NTN1: variants seen among roughly 807,000 people sequenced by gnomAD.
NTN1 encodes netrin 1, also known as netrin-1.
A neutral mutation model predicts 54.2 loss-of-function variants in NTN1; 11 were observed. That is an observed-to-expected ratio of 0.20 (90% CI 0.13 to 0.34). NTN1 has a LOEUF of 0.34. NTN1 is among the 10% of genes least tolerant of loss of function. NTN1 has a pLI of 1.00. For synonymous variants in NTN1, 371 were observed against 382.0 expected (o/e 0.97, Z 0.33); for missense variants, 740 against 893.1 (o/e 0.83, Z 2.18).
intron 2 of NTN1, among the ~76,000 whole-genome samples, chr17:9,127,796 G>A (rs1003062334): frequency 3.9e-5 from 6 of 152,120 alleles, no homozygotes; most frequent in African/African-American, 1.4e-4. Context: ...TAGGATGCAG[G>A]AAGAGAGAAC....
chr17:9,228,486 G>A lies in NTN1; in HGVS notation c.1486+7244G>A, dbSNP rs866257709. ...ACGCGGGGGCTCCCATCCACGCCCC[G>A]ATCCCCTGCCTCAGGTGGCCTGGGT... is the stretch of plus-strand genomic sequence containing the variant. On this transcript the variant is annotated intron_variant, in intron 6 of 6. Coordinates refer to ENST00000173229, the MANE Select transcript of NTN1 (RefSeq NM_004822.3). 3.9e-5 allele frequency among the ~76,000 whole-genome samples: 6 copies of A among 152,270 alleles called. No individual in the cohort carries two copies. The Middle Eastern group carries it at 0.01, about 259-fold the overall frequency.
chr17:9,118,094 C>G (rs997503784), intron 2 of NTN1, among the ~76,000 whole-genome samples: 13 of 152,240 alleles, frequency 8.5e-5, no homozygotes, highest in African/African-American at 3.1e-4. Flanking sequence ...TCCCTCTGTG[C>G]CTCAGTTTCG....
At chr17:9,142,926 A>G (rs565770304) in intron 2 of NTN1, among the ~76,000 whole-genome samples, 1 of 152,374 alleles carries the variant, frequency 6.6e-6, no homozygotes, top group East Asian at 1.9e-4. Context: ...AATAAAATCA[A>G]TATTTAAAGT....
rs115102745 is a variant in NTN1 at position 9,202,879 on chromosome 17, G to A, written c.1412-18289G>A. ...TCAAAATGATATTGCGATATTCTGC[G>A]TCTGTGTTTCATGGTTTCATAATTT... On this transcript the variant is annotated intron_variant, in intron 5 of 6. Coordinates refer to ENST00000173229, the MANE Select transcript of NTN1 (RefSeq NM_004822.3). 2.1e-3 allele frequency among the ~76,000 whole-genome samples: 323 copies of A among 151,996 alleles called. 2 individuals are homozygous for A. Among genetic ancestry groups the A allele is most frequent in the African/African-American group, 7.0e-3 (290 of 41,490 alleles).
intron 2 of NTN1, among the ~76,000 whole-genome samples, chr17:9,068,099 T>G (rs2092021299): frequency 6.6e-6 from 1 of 152,190 alleles, no homozygotes; most frequent in Admixed American, 6.5e-5. Context: ...CAATAAATGT[T>G]CATTGGATGA....
the NTN1 span, among the ~76,000 whole-genome samples, chr17:9,015,482 C>T: frequency 6.6e-6 from 1 of 152,176 alleles, no homozygotes; most frequent in African/African-American, 2.4e-5. Flanking sequence ...GACAAAGGCA[C>T]CCCCGGCCAC....
At chr17:9,230,127 C>T (rs749674031) in intron 6 of NTN1, among the ~76,000 whole-genome samples, 5 of 152,192 alleles carry the variant, frequency 3.3e-5, no homozygotes, top group East Asian at 1.9e-4. Flanking sequence ...TATTCCTGAT[C>T]GGGCTCAATC....
rs113373385 is a variant in NTN1 at position 9,044,647 on chromosome 17, T to G, written c.1018+21256T>G. ...AGGAATTGAAGAGGAATCCTGTTTG[T>G]AGGGCACAATGTTTATATTTATTGA... On this transcript the variant is annotated intron_variant, in intron 2 of 6. Coordinates refer to ENST00000173229, the MANE Select transcript of NTN1 (RefSeq NM_004822.3). Among the ~76,000 whole-genome samples the G allele has an allele frequency of 8.9e-3, 1,349 of 152,316 alleles. 20 individuals carry two copies. Among genetic ancestry groups the G allele is most frequent in the African/African-American group, 0.03 (1,247 of 41,566 alleles).
rs773006374 is a variant in NTN1 at position 9,022,865 on chromosome 17, C to G, written c.492C>G (p.Ser164=). 2.0e-5 allele frequency: 33 copies of G among 1,611,990 alleles called. No individual in the cohort carries two copies. The highest frequency in any genetic ancestry group is 2.8e-5 in the Non-Finnish European group (33 of 1,179,854). The part of the protein sequence containing the change: ...PRPESMAIYK[S]MDYGRTWVPF... ...CCGAGTCCATGGCCATCTACAAGTC[C>G]ATGGACTACGGGCGCACGTGGGTGC... Residue 164 remains serine (S), a synonymous_variant, in exon 2 of 7, where the codon TCC becomes TCG. Transcript: ENST00000173229.
At chr17:9,119,486 CTTATTTATTTATTTAT>C (rs71361861) in intron 2 of NTN1, among the ~76,000 whole-genome samples, 10 of 149,832 alleles carry the variant, frequency 6.7e-5, no homozygotes, top group Admixed American at 1.3e-4. Context: ...CCGTGCCTGG[CTTATTTATTTATTTAT>C]TTATTTATTT....
chr17:9,183,097 G>A (rs1379058155), intron 5 of NTN1, 128 bp downstream of exon 5: 7 of 936,506 alleles, frequency 7.5e-6, no homozygotes, highest in Non-Finnish European at 1.2e-5. Context: ...TGCTCCGTAT[G>A]AGTGGCATCC....
intron 5 of NTN1, among the ~76,000 whole-genome samples, chr17:9,206,736 C>A (rs965136715): frequency 2.0e-5 from 3 of 152,170 alleles, no homozygotes; most frequent in African/African-American, 7.2e-5. Flanking sequence ...TTTAAATCTG[C>A]AAATATATTT....
Position 9,135,963 on chromosome 17 carries a change from C to T in NTN1, c.1019-26850C>T, listed in dbSNP as rs187135723. On this transcript the variant is annotated intron_variant, in intron 2 of 6. Coordinates refer to ENST00000173229, the MANE Select transcript of NTN1 (RefSeq NM_004822.3). The surrounding 1 kb of genome is among the most constrained non-coding windows in gnomAD (Gnocchi z 4.4). ...GCACGCTCACTCATACATGTGTGCA[C>T]GTGCCTACTCAAACTCGACACCCAT... Among the ~76,000 whole-genome samples the T allele has an allele frequency of 1.3e-5, 2 of 152,336 alleles. No individual in the cohort carries two copies. Among genetic ancestry groups the T allele is most frequent in the African/African-American group, 2.4e-5 (1 of 41,584 alleles).
chr17:9,172,088 A>C (rs1027851340), intron 3 of NTN1, among the ~76,000 whole-genome samples: 2 of 151,928 alleles, frequency 1.3e-5, no homozygotes, highest in African/African-American at 2.4e-5. Flanking sequence ...CAGTTTCACC[A>C]TGTTAGTCAG....
chr17:9,090,112 C>T (rs903475176), intron 2 of NTN1, among the ~76,000 whole-genome samples: 2 of 151,800 alleles, frequency 1.3e-5, no homozygotes, highest in African/African-American at 2.4e-5. Flanking sequence ...CCTGTCTCCT[C>T]CCAACTTATG....
At chr17:9,053,790 A>G (rs1223208430) in intron 2 of NTN1, among the ~76,000 whole-genome samples, 1 of 152,264 alleles carries the variant, frequency 6.6e-6, no homozygotes, top group Non-Finnish European at 1.5e-5. Context: ...AAATCTGTGA[A>G]CCCAAATGAA....
rs1216213625 is a variant in NTN1 at position 9,031,804 on chromosome 17, C to CA, written c.1018+8421dup. Among the ~76,000 whole-genome samples, 8 of 151,250 alleles carry CA rather than the reference C, an allele frequency of 5.3e-5. No individual in the cohort carries two copies. In the East Asian group the frequency reaches 7.8e-4, roughly 15 times the overall value. On this transcript the variant is annotated intron_variant, in intron 2 of 6. Coordinates refer to ENST00000173229, the MANE Select transcript of NTN1 (RefSeq NM_004822.3). ...TACTAAAAATACAAAAACAAACAAA[C>CA]AAAAAAAACTAGCCTGGCATGGTGG...
chr17:9,105,995 C>T (rs904322567), intron 2 of NTN1, among the ~76,000 whole-genome samples: 6 of 152,074 alleles, frequency 3.9e-5, no homozygotes, highest in African/African-American at 9.7e-5. Flanking sequence ...ACTCCCAAAG[C>T]ATGGCCCCCC....
At position 9,240,043 on chromosome 17, in the gene NTN1, G is replaced by A. The variant is rs1327467390; in HGVS notation, c.*75G>A. The A allele has an allele frequency of 2.7e-5, 27 of 1,002,970 alleles. No homozygotes were observed. The highest frequency in any genetic ancestry group is 3.2e-5 in the Non-Finnish European group (26 of 810,714). 62.1% of individuals were successfully genotyped at this position (1,002,970 alleles called of 1,614,324 possible). A position where few individuals can be genotyped will look rare whatever the true frequency, so the allele number is the denominator to read the frequency against. ...CGAGAGCGGGCGCCTTGGCCCGGCC[G>A]CCGCGGACTTGGCCCGCGAGGGCTT... On this transcript the variant is annotated 3_prime_UTR_variant, in exon 7 of 7. Coordinates refer to ENST00000173229, the MANE Select transcript of NTN1 (RefSeq NM_004822.3).
Sources: allele counts gnomAD v4.1 joint callset (sites outside exome capture counted in the v4.1 genomes callset), GRCh38; gene constraint gnomAD v4.1.1; non-coding constraint Gnocchi (gnomAD v3.1); transcripts MANE v1.5; gene names NCBI Gene and HGNC (gene_info 2026-07-23, HGNC 2026-07-21).